The following DPF1 variants were observed in gnomAD, a reference collection of about 807,000 sequenced individuals.
DPF1 encodes the protein double PHD fingers 1.
DPF1 carries 14 observed loss-of-function variants against 58.7 expected under a neutral mutation model. That is an observed-to-expected ratio of 0.24 (90% CI 0.16 to 0.37). The LOEUF (loss-of-function observed/expected upper bound fraction) is 0.37, where lower values mean the gene tolerates loss of function less well. DPF1 is among the 10% of genes least tolerant of loss of function. The pLI, the probability that DPF1 is intolerant of heterozygous loss-of-function variation, is 1.00. For missense variants in DPF1, 345 were observed against 529.9 expected (o/e 0.65, Z 3.43); for synonymous variants, 216 against 216.0 (o/e 1.00, Z 0.00).
In DPF1 at chr19:38,216,227, T is replaced by C. The variant is rs747648062; in HGVS notation, c.811A>G (p.Asn271Asp). The change falls in exon 9 of 12, where the codon AAC becomes GAC. Residue 271 changes from asparagine (N) to aspartate (D), a missense_variant. By Grantham distance (23) the Asn-to-Asp change is conservative. Coordinates refer to ENST00000355526, the MANE Select transcript of DPF1 (RefSeq NM_001135155.3). The stretch of plus-strand genomic sequence containing the variant: ...CCCAGGCAGAAGTCACAGTAGCCGT[T>C]GGGGATGACAGTGCCGTCGGGCGCC... ...KKAPDGTVIP[N>D]GYCDFCLGGS... The C allele has an allele frequency of 6.2e-7, 1 of 1,614,152 alleles. No individual in the cohort carries two copies. Among genetic ancestry groups the C allele is most frequent in the Admixed American group, 1.7e-5 (1 of 60,022 alleles).
intron 7 of DPF1, 64 bp downstream of exon 7, chr19:38,217,396 C>CCCGGGGGGCG: frequency 8.2e-7 from 1 of 1,225,742 alleles, no homozygotes; most frequent in Non-Finnish European, 1.1e-6. Flanking sequence ...CCCCCACCCC[C>CCCGGGGGGCG]AGCTGGGCTC....
chr19:38,217,939 C>A, intron 5 of DPF1, 63 bp from the exon 6 acceptor site: 9 of 1,564,372 alleles, frequency 5.8e-6, no homozygotes, highest in Non-Finnish European at 7.0e-6. Flanking sequence ...CGTGGTGGCT[C>A]ACACCTGTAA....
chr19:38,221,658 T>TA (rs1568635651), intron 3 of DPF1, among the ~76,000 whole-genome samples: 2 of 152,066 alleles, frequency 1.3e-5, no homozygotes, highest in East Asian at 3.9e-4. Context: ...CCAATACCAC[T>TA]GGGACCCTTG....
At position 38,217,517 on chromosome 19, in the gene DPF1, C is replaced by A; in HGVS notation, c.670G>T (p.Gly224Trp). The change falls in exon 7 of 12, where the codon GGG becomes TGG. Residue 224 changes from glycine (G) to tryptophan (W), a missense_variant. Gly to Trp is a radical substitution (Grantham distance 184). Coordinates refer to ENST00000355526, the MANE Select transcript of DPF1 (RefSeq NM_001135155.3). ...GCGTGGCGTTCGGCGTTCTCCTCCCCCTCCTCCTCGGCCAGGTGGGTGTGG... is the reference window on the plus strand; with the variant it reads ...GCGTGGCGTTCGGCGTTCTCCTCCCACTCCTCCTCGGCCAGGTGGGTGTGG... ...YTHTHLAEEE[G>W]EENAERHALP... 1 of 1,551,584 alleles carries A rather than the reference C, an allele frequency of 6.4e-7. No individual in the cohort carries two copies. The highest frequency in any genetic ancestry group is 8.7e-7 in the Non-Finnish European group (1 of 1,146,970).
Position 38,217,517 on chromosome 19 carries a change from C to G in DPF1, c.670G>C (p.Gly224Arg), listed in dbSNP as rs780913902. 1.9e-6 allele frequency: 3 copies of G among 1,551,584 alleles called. No homozygotes were observed. Among genetic ancestry groups the G allele is most frequent in the South Asian group, 1.2e-5 (1 of 84,044 alleles). Residue 224 changes from glycine (G) to arginine (R), a missense_variant, in exon 7 of 12, where the codon GGG becomes CGG. By Grantham distance (125) the Gly-to-Arg change is moderately radical (BLOSUM62 -2). Coordinates refer to ENST00000355526, the MANE Select transcript of DPF1 (RefSeq NM_001135155.3). ...GCGTGGCGTTCGGCGTTCTCCTCCC[C>G]CTCCTCCTCGGCCAGGTGGGTGTGG... ...YTHTHLAEEE[G>R]EENAERHALP...
rs1006732574 is a variant in DPF1 at position 38,217,273 on chromosome 19, C to T, written c.727+187G>A. On this transcript the variant is annotated intron_variant, in intron 7 of 11. Coordinates refer to ENST00000355526, the MANE Select transcript of DPF1 (RefSeq NM_001135155.3). ...CAGAAATATTACGCCCGGCCAGGAG[C>T]GAAGGAGCGATGGTTGGTTGCCATG... 5 of 711,178 alleles carry T rather than the reference C, an allele frequency of 7.0e-6. No homozygotes were observed. In the East Asian group the frequency reaches 8.4e-5, roughly 12 times the overall value. 44.1% of individuals were successfully genotyped at this position (711,178 alleles called of 1,614,324 possible). A position where few individuals can be genotyped will look rare whatever the true frequency, so the allele number is the denominator to read the frequency against.
chr19:38,212,124 C>T lies in DPF1; in HGVS notation c.1103G>A (p.Ser368Asn). Reference sequence around the variant, plus strand: ...CAGGTGCCGGAGACAGAGGTGACAGCTCCAGCTCCCTGCGGGGGCAGCCGA... The same window carrying T: ...CAGGTGCCGGAGACAGAGGTGACAGTTCCAGCTCCCTGCGGGGGCAGCCGA... ...PMAEPPEGSWSCHLCLRHLKE... is the reference protein window; with the variant it reads ...PMAEPPEGSWNCHLCLRHLKE... The change falls in exon 12 of 12, where the codon AGC (serine) becomes AAC (asparagine). Residue 368 changes from serine to asparagine, a missense_variant. Coordinates refer to ENST00000355526, the MANE Select transcript of DPF1 (RefSeq NM_001135155.3). 1.2e-6 allele frequency: 2 copies of T among 1,610,272 alleles called. No homozygotes were observed. Among genetic ancestry groups the T allele is most frequent in the Non-Finnish European group, 1.7e-6 (2 of 1,179,256 alleles).
upstream of DPF1, among the ~76,000 whole-genome samples, chr19:38,224,858 C>T (rs368464518): frequency 9.3e-4 from 142 of 152,350 alleles, no homozygotes; most frequent in East Asian, 0.015. This position sits in a 1 kb window ranked among gnomAD's most constrained non-coding sequence, Gnocchi z 4.5. Flanking sequence ...AATGACTTAA[C>T]CTTTCTGGGC....
At chr19:38,224,927 AATG>A (rs1967752273), upstream of DPF1, among the ~76,000 whole-genome samples, 1 of 152,232 alleles carries the variant, frequency 6.6e-6, no homozygotes, top group South Asian at 2.1e-4. This position sits in a 1 kb window ranked among gnomAD's most constrained non-coding sequence, Gnocchi z 4.5. Flanking sequence ...GTGAGGATTA[AATG>A]AGTAAATATA....
intron 7 of DPF1, 57 bp downstream of exon 7, chr19:38,217,403 G>C: frequency 7.4e-7 from 1 of 1,343,164 alleles, no homozygotes; most frequent in Non-Finnish European, 9.9e-7. Context: ...CCCCAGCTGG[G>C]CTCCTCTTCC....
intron 10 of DPF1, 46 bp downstream of exon 10, chr19:38,213,585 GAGGTGGACGTGCC>G: frequency 6.8e-7 from 1 of 1,470,360 alleles, no homozygotes. Flanking sequence ...TTAAGGGGCA[GAGGTGGACGTGCC>G]AGGCGGGGCG....
chr19:38,213,799 C>T (rs369458737), intron 9 of DPF1, 43 bp from the exon 10 acceptor site: 26 of 1,552,816 alleles, frequency 1.7e-5, no homozygotes, highest in Admixed American at 6.8e-5. Context: ...GGTCACCGTG[C>T]CCCTGGTGGG....
intron 3 of DPF1, chr19:38,219,353 G>C: frequency 2.4e-6 from 1 of 420,204 alleles, no homozygotes; most frequent in Admixed American, 3.9e-5. Context: ...AAGACACAGC[G>C]ACTCTCAAAC....
At chr19:38,212,237 T>TGGGGGGGGGGGGGGGGGGG in intron 11 of DPF1, 43 bp downstream of exon 11, 12 of 1,256,698 alleles carry the variant, frequency 9.5e-6, no homozygotes, top group African/African-American at 1.5e-5. Flanking sequence ...GGAGATGGCG[T>TGGGGGGGGGGGGGGGGGGG]TCCCACCCAC....
upstream of DPF1, among the ~76,000 whole-genome samples, chr19:38,225,950 C>G (rs1967800970): frequency 6.6e-6 from 1 of 151,880 alleles, no homozygotes; most frequent in South Asian, 2.1e-4. Context: ...ATGCACCCAT[C>G]ATGTGCTGGG....
At chr19:38,227,253 AT>A (rs1033509104), upstream of DPF1, among the ~76,000 whole-genome samples, 1 of 151,740 alleles carries the variant, frequency 6.6e-6, no homozygotes, top group African/African-American at 2.4e-5. Flanking sequence ...TAATTTTTGT[AT>A]TTTTGTAAAA....
upstream of DPF1, among the ~76,000 whole-genome samples, chr19:38,228,967 C>T (rs915556562): frequency 3.9e-5 from 6 of 151,924 alleles, no homozygotes; most frequent in Non-Finnish European, 7.4e-5. Flanking sequence ...GGGAGGGATG[C>T]CGCGGTCCAG....
chr19:38,219,436 A>T, intron 3 of DPF1: 1 of 202,374 alleles, frequency 4.9e-6, no homozygotes, highest in Non-Finnish European at 9.9e-6. Flanking sequence ...GGACATCCAG[A>T]CAGATCGTCT....
In DPF1 at chr19:38,217,539, G is replaced by A; in HGVS notation, c.648C>T (p.His216=). Residue 216 remains histidine (H), a synonymous_variant, in exon 7 of 12, where the codon CAC becomes CAT. Coordinates refer to ENST00000355526, the MANE Select transcript of DPF1 (RefSeq NM_001135155.3). ...CCCCCTCCTCCTCGGCCAGGTGGGT[G>A]TGGGTGTAGTGGTAGCTGAGCCCCG... ...NRPGLSYHYT[H]THLAEEEGEE... 6.4e-7 allele frequency: 1 copy of A among 1,551,620 alleles called. No homozygotes were observed. Among genetic ancestry groups the A allele is most frequent in the East Asian group, 2.4e-5 (1 of 40,890 alleles).
Sources: allele counts gnomAD v4.1 joint callset (sites outside exome capture counted in the v4.1 genomes callset), GRCh38; gene constraint gnomAD v4.1.1; non-coding constraint Gnocchi (gnomAD v3.1); transcripts MANE v1.5; gene names NCBI Gene and HGNC (gene_info 2026-07-23, HGNC 2026-07-21).